Variants in RABGEF1 observed in about 807,000 individuals in gnomAD.
RABGEF1 encodes the protein RAB guanine nucleotide exchange factor 1.
RABGEF1 carries 26 observed loss-of-function variants against 57.3 expected under a neutral mutation model. The observed-to-expected ratio is 0.45, with a 90% confidence interval of 0.33 to 0.63. The LOEUF (loss-of-function observed/expected upper bound fraction) is 0.63, where lower values mean the gene tolerates loss of function less well. Ranked by LOEUF, RABGEF1 falls within the 20% of genes least tolerant of loss-of-function variation. RABGEF1 has a pLI of 0.02. For missense variants in RABGEF1, 464 were observed against 607.6 expected, an observed-to-expected ratio of 0.76 and a Z score of 2.48; for synonymous variants, 185 against 210.7, an observed-to-expected ratio of 0.88 and a Z score of 1.06.
chr7:66,731,407 C>T (rs911148220), intron 2 of RABGEF1, among the ~76,000 whole-genome samples: 6 of 152,084 alleles, frequency 3.9e-5, no homozygotes, highest in East Asian at 1.9e-4. Context: ...AGAGCATGAA[C>T]GCCTGGCTGG....
At chr7:66,767,281 G>A (rs1031353089) in intron 1 of RABGEF1, among the ~76,000 whole-genome samples, 1 of 151,686 alleles carries the variant, frequency 6.6e-6, no homozygotes, top group Admixed American at 6.6e-5. Context: ...GGGATTATAG[G>A]TGTGAGCCAC....
At chr7:66,775,003 C>A (rs1808183039) in intron 2 of RABGEF1, among the ~76,000 whole-genome samples, 1 of 152,148 alleles carries the variant, frequency 6.6e-6, no homozygotes, top group Non-Finnish European at 1.5e-5. Context: ...TTTCATGTAA[C>A]CCTAGAGCAG....
chr7:66,656,820 C>CAAAA, the RABGEF1 span, among the ~76,000 whole-genome samples: 6 of 73,824 alleles, frequency 8.1e-5, no homozygotes, highest in Admixed American at 1.6e-4. Context: ...AACTGCATCT[C>CAAAA]AAAAAAAAAA....
At chr7:66,766,962 T>G (rs1805878381) in intron 1 of RABGEF1, among the ~76,000 whole-genome samples, 1 of 150,912 alleles carries the variant, frequency 6.6e-6, no homozygotes, top group South Asian at 2.1e-4. Flanking sequence ...TGTTCTGTAC[T>G]TCTCCCTAAT....
chr7:66,683,013 T>C lies in RABGEF1; in HGVS notation c.-873+755T>C, dbSNP rs1472672660. Among the ~76,000 whole-genome samples, 10 of 152,228 alleles carry C rather than the reference T, an allele frequency of 6.6e-5. No homozygotes were observed. In the East Asian group the frequency reaches 7.7e-4, roughly 12 times the overall value. ...GTGGTTGGGAAATGTGTCGTGGGCG[T>C]CCGTGGGCTCGTTTTGCCTTTGAGA... On this transcript the variant is annotated intron_variant and NMD_transcript_variant, in intron 1 of 9. Coordinates refer to the RABGEF1 transcript ENST00000607882.
chr7:66,771,284 G>A (rs188756028), intron 1 of RABGEF1, among the ~76,000 whole-genome samples: 12 of 152,026 alleles, frequency 7.9e-5, no homozygotes, highest in East Asian at 1.9e-4. Context: ...GACTACAGGC[G>A]CCCGCCACCA....
chr7:66,732,928 A>T (rs1797509305), intron 2 of RABGEF1, among the ~76,000 whole-genome samples: 1 of 152,014 alleles, frequency 6.6e-6, no homozygotes, highest in Admixed American at 6.6e-5. Flanking sequence ...CTGCTTCTCT[A>T]AACTTCTCGG....
chr7:66,781,437 G>A lies in RABGEF1; in HGVS notation c.347-2238G>A, dbSNP rs1229505684. ...GCAGTTTTGTTACATAGGTATATAC[G>A]TGCCCTGGTGGTTTGCTGCACCCAT... On this transcript the variant is annotated intron_variant, in intron 3 of 8. Coordinates refer to ENST00000284957, the MANE Select transcript of RABGEF1 (RefSeq NM_014504.3). Among the ~76,000 whole-genome samples, 6 of 152,152 alleles carry A rather than the reference G, an allele frequency of 3.9e-5. No homozygotes were observed. The East Asian group carries it at 5.8e-4, about 15-fold the overall frequency.
chr7:66,751,328 G>A (rs1156588184), intron 1 of RABGEF1, among the ~76,000 whole-genome samples: 1 of 152,210 alleles, frequency 6.6e-6, no homozygotes, highest in East Asian at 1.9e-4. Flanking sequence ...ACCGTACCTG[G>A]CCTTCCCTCT....
chr7:66,715,200 T>TC (rs1795239473), intron 2 of RABGEF1, among the ~76,000 whole-genome samples: 2 of 152,116 alleles, frequency 1.3e-5, no homozygotes, highest in Admixed American at 6.6e-5. Flanking sequence ...GGATCCTAGC[T>TC]CACTGCATCC....
intron 3 of RABGEF1, among the ~76,000 whole-genome samples, chr7:66,779,277 G>A (rs778489645): frequency 6.6e-6 from 1 of 152,148 alleles, no homozygotes; most frequent in Non-Finnish European, 1.5e-5. Flanking sequence ...GCCGAGGCAG[G>A]TGGATCACCT....
At chr7:66,702,347 TTGTGTG>T (rs58655312) in intron 1 of RABGEF1, among the ~76,000 whole-genome samples, 5,363 of 143,936 alleles carry the variant, frequency 0.037, 281 homozygotes, top group African/African-American at 0.12. Flanking sequence ...ATTGTTTTGT[TTGTGTG>T]TGTGTGTGTG....
At position 66,797,514 on chromosome 7, in the gene RABGEF1, C is replaced by A; in HGVS notation, c.728+8C>A. ...CATTCAAAAGAGAATCAGGTAGTTG[C>A]TTATTTTGTTTTGCTTTGTAGTTAC... On this transcript the variant is annotated splice_region_variant and intron_variant, in intron 6 of 8. Transcript: ENST00000284957. 1 of 1,603,814 alleles carries A rather than the reference C, an allele frequency of 6.2e-7. No homozygotes were observed. The highest frequency in any genetic ancestry group is 1.3e-5 in the African/African-American group (1 of 74,384).
At chr7:66,660,315 TC>T in the RABGEF1 span, among the ~76,000 whole-genome samples, 1 of 142,086 alleles carries the variant, frequency 7.0e-6, no homozygotes, top group African/African-American at 2.6e-5. Context: ...GCCACTACAC[TC>T]CAGCCTGGGT....
chr7:66,725,243 A>C (rs946556497), intron 2 of RABGEF1, among the ~76,000 whole-genome samples: 1 of 152,194 alleles, frequency 6.6e-6, no homozygotes, highest in African/African-American at 2.4e-5. Flanking sequence ...TAACATGTAC[A>C]CTTTAATGAC....
Position 66,775,322 on chromosome 7 carries a change from A to G in RABGEF1, c.275A>G (p.Asn92Ser), listed in dbSNP as rs771736399. 14 of 1,613,940 alleles carry G rather than the reference A, an allele frequency of 8.7e-6. No individual in the cohort carries two copies. The highest frequency in any genetic ancestry group is 1.7e-4 in the Middle Eastern group (1 of 6,056). ...TCCAAGTTTGAAGAAAAGAAAACCA[A>G]CGAGAAGACCCGCAAGGTTACCACA... ...TFSKFEEKKT[N>S]EKTRKVTTVK... Residue 92 changes from asparagine (N) to serine (S), a missense_variant, in exon 3 of 9, where the codon AAC becomes AGC. Around this residue, in one of 4 missense-constraint regions of RABGEF1, gnomAD observed 284 missense variants for 389.9 expected, o/e 0.73. Transcript: ENST00000284957.
chr7:66,706,076 G>A (rs1187180170), intron 1 of RABGEF1, among the ~76,000 whole-genome samples: 1 of 150,094 alleles, frequency 6.7e-6, no homozygotes, highest in Non-Finnish European at 1.5e-5. Context: ...CTAATTTTTT[G>A]TATTTTTAGT....
At chr7:66,781,613 G>A (rs187335701) in intron 3 of RABGEF1, among the ~76,000 whole-genome samples, 2 of 152,224 alleles carry the variant, frequency 1.3e-5, no homozygotes, top group East Asian at 3.9e-4. Flanking sequence ...GGTTCTACAC[G>A]TTACTTGGTG....
Position 66,809,426 on chromosome 7 carries a change from G to C in RABGEF1, c.*142G>C, listed in dbSNP as rs572073813. The C allele has an allele frequency of 2.3e-6, 2 of 861,368 alleles. No individual in the cohort carries two copies. Among genetic ancestry groups the C allele is most frequent in the South Asian group, 2.7e-5 (1 of 36,604 alleles). The allele number at this position is 861,368 out of a possible 1,614,324, so 53.4% of individuals were successfully genotyped here. The stretch of plus-strand genomic sequence containing the variant: ...AGGTACAGTATATGGGGATTGTTTC[G>C]TTTTTCCTAGCAGGGGAACCTTAGT... On this transcript the variant is annotated 3_prime_UTR_variant, in exon 9 of 9. Coordinates refer to ENST00000284957, the MANE Select transcript of RABGEF1 (RefSeq NM_014504.3).
Sources: gnomAD v4.1 joint callset for allele counts (sites outside exome capture counted in the v4.1 genomes callset) on GRCh38, gnomAD v4.1.1 for gene constraint, gnomAD v4.1.1 regional missense constraint, MANE v1.5 for transcripts, NCBI Gene and HGNC (gene_info 2026-07-23, HGNC 2026-07-21) for gene names.